The following ERO1A variants were observed in gnomAD, a reference collection of about 807,000 sequenced individuals.
The protein encoded by ERO1A is ERO1-like protein alpha.
Under a neutral mutation model 76.9 loss-of-function variants are expected in ERO1A, and 49 were observed. The observed-to-expected ratio is 0.64, with a 90% CI of 0.51 to 0.81. The LOEUF (loss-of-function observed/expected upper bound fraction) is 0.81. Ranked by LOEUF, ERO1A falls within the 30% of genes least tolerant of loss-of-function variation. The probability of loss-of-function intolerance (pLI) is 0.00; values close to 1 mark genes in which losing one functional copy is unlikely to be tolerated. For missense variants in ERO1A, 448 were observed against 542.1 expected, an observed-to-expected ratio of 0.83 and a Z score of 1.72; for synonymous variants, 174 against 181.2, an observed-to-expected ratio of 0.96 and a Z score of 0.32.
chr14:52,671,960 T>C, intron 4 of ERO1A, 89 bp from the exon 5 acceptor site: 1 of 887,784 alleles, frequency 1.1e-6, no homozygotes, highest in Non-Finnish European at 1.7e-6. Context: ...GCTCTTTTTA[T>C]TTTTTTTATT....
chr14:52,656,012 T>C (rs1022533826), intron 11 of ERO1A, among the ~76,000 whole-genome samples: 3 of 152,190 alleles, frequency 2.0e-5, no homozygotes, highest in Admixed American at 6.5e-5. Flanking sequence ...GCAAGTGACA[T>C]TGTCAGCATT....
At chr14:52,682,483 T>G in intron 2 of ERO1A, 75 bp from the exon 3 acceptor site, 3 of 1,120,838 alleles carry the variant, frequency 2.7e-6, no homozygotes, top group Non-Finnish European at 3.9e-6. Flanking sequence ...CAAATTATGG[T>G]GCTATAACTT....
At chr14:52,678,413 T>TC (rs749372123) in intron 4 of ERO1A, 21 bp downstream of exon 4, 1 of 1,606,000 alleles carries the variant, frequency 6.2e-7, no homozygotes, top group African/African-American at 1.3e-5. Flanking sequence ...ACTGGACACA[T>TC]CAATAGGTAT....
Position 52,653,264 on chromosome 14 carries a change from C to A in ERO1A, c.860G>T (p.Arg287Leu). 4.3e-6 allele frequency: 7 copies of A among 1,612,316 alleles called. No homozygotes were observed. The South Asian group carries it at 6.6e-5, about 15-fold the overall frequency. ...WGHNITEFQQ[R>L]FDGILTEGEG... ...TCCTTCAGTCAAAATTCCATCAAATCGCTGTTGAAATTCTGTAATGTTGTG... is the reference window on the plus strand; with the variant it reads ...TCCTTCAGTCAAAATTCCATCAAATAGCTGTTGAAATTCTGTAATGTTGTG... Residue 287 changes from arginine to leucine, a missense_variant, in exon 12 of 16, where the codon CGA becomes CTA. By Grantham distance (102) the Arg-to-Leu change is moderately radical. Transcript: ENST00000395686.
At chr14:52,674,571 G>C (rs536861368) in intron 4 of ERO1A, among the ~76,000 whole-genome samples, 1 of 152,284 alleles carries the variant, frequency 6.6e-6, no homozygotes, top group African/African-American at 2.4e-5. Flanking sequence ...TTAACTATGT[G>C]CAAAGTTCTT....
At chr14:52,672,132 C>G in intron 4 of ERO1A, 1 of 267,742 alleles carries the variant, frequency 3.7e-6, no homozygotes, top group South Asian at 5.9e-5. Flanking sequence ...TGGTGAAACC[C>G]TGTCTCTACT....
intron 4 of ERO1A, among the ~76,000 whole-genome samples, chr14:52,676,760 T>G (rs148145607): frequency 1.2e-3 from 175 of 151,732 alleles, no homozygotes; most frequent in African/African-American, 4.2e-3. Flanking sequence ...TTTGGCTGAG[T>G]GTCGTGGCTC....
Position 52,672,936 on chromosome 14 carries a change from T to C in ERO1A, c.358-1065A>G, listed in dbSNP as rs141191318. Among the ~76,000 whole-genome samples, 546 of 152,262 alleles carry C rather than the reference T, an allele frequency of 3.6e-3. 2 individuals carry two copies. Among genetic ancestry groups the C allele is most frequent in the Non-Finnish European group, 6.2e-3 (424 of 68,022 alleles). On this transcript the variant is annotated intron_variant, in intron 4 of 15. Transcript: ENST00000395686. ...ATCAAGAAGATATTCTTGCCACAAA[T>C]GGAGATACTCCCAAACACATTTATA...
At chr14:52,652,638 A>G (rs2039911465) in intron 12 of ERO1A, among the ~76,000 whole-genome samples, 1 of 152,198 alleles carries the variant, frequency 6.6e-6, no homozygotes, top group South Asian at 2.1e-4. Flanking sequence ...ATCTGAAAAG[A>G]CCTACAAGCA....
intron 11 of ERO1A, among the ~76,000 whole-genome samples, chr14:52,657,656 C>A (rs1306866418): frequency 1.3e-5 from 2 of 152,158 alleles, no homozygotes; most frequent in African/African-American, 4.8e-5. Context: ...TAAATTCCCA[C>A]AAGAAAACAA....
At chr14:52,692,859 T>G (rs1389726624) in intron 1 of ERO1A, among the ~76,000 whole-genome samples, 1 of 152,028 alleles carries the variant, frequency 6.6e-6, no homozygotes, top group Non-Finnish European at 1.5e-5. Context: ...TCTGTCTATA[T>G]GCTTGCCTCT....
At chr14:52,649,281 G>A (rs987901235) in intron 13 of ERO1A, among the ~76,000 whole-genome samples, 2 of 152,112 alleles carry the variant, frequency 1.3e-5, no homozygotes, top group African/African-American at 4.8e-5. Context: ...TATTTGAATT[G>A]AATGCTAAAT....
chr14:52,658,796 A>G (rs1056004472), intron 9 of ERO1A, among the ~76,000 whole-genome samples: 3 of 152,184 alleles, frequency 2.0e-5, no homozygotes, highest in Non-Finnish European at 4.4e-5. Context: ...CAACTATGAA[A>G]ATAGCAAGAA....
chr14:52,644,565 A>G (rs2039579910), intron 15 of ERO1A, among the ~76,000 whole-genome samples: 1 of 152,216 alleles, frequency 6.6e-6, no homozygotes, highest in Non-Finnish European at 1.5e-5. Flanking sequence ...ATATTTAGGT[A>G]TAAGTATTCA....
chr14:52,653,611 T>C (rs772401892), intron 11 of ERO1A, among the ~76,000 whole-genome samples: 4 of 151,974 alleles, frequency 2.6e-5, no homozygotes, highest in Non-Finnish European at 5.9e-5. Context: ...ATTGATGCCA[T>C]ATATGGCATC....
In ERO1A at chr14:52,643,163, A is replaced by AATT. The variant is rs1566632543; in HGVS notation, c.*404_*406dup. On this transcript the variant is annotated 3_prime_UTR_variant, in exon 16 of 16. Transcript: ENST00000395686. ...ATGTACTGAAAAATTCTACGTTGGT[A>AATT]ATTATGGGTCATTTATGAGGCCTCC... 1 of 153,050 alleles carries AATT rather than the reference A, an allele frequency of 6.5e-6. No homozygotes were observed. Among genetic ancestry groups the AATT allele is most frequent in the East Asian group, 1.9e-4 (1 of 5,214 alleles). 9.5% of individuals were successfully genotyped at this position (153,050 alleles called of 1,614,324 possible).
At position 52,683,810 on chromosome 14, in the gene ERO1A, C is replaced by G. The variant is rs1204216262; in HGVS notation, c.212G>C (p.Ser71Thr). 6.6e-7 allele frequency: 1 copy of G among 1,518,146 alleles called. No individual in the cohort carries two copies. Among genetic ancestry groups the G allele is most frequent in the Admixed American group, 1.8e-5 (1 of 56,718 alleles). The allele number at this position is 1,518,146 out of a possible 1,614,324, so 94.0% of individuals were successfully genotyped here. The change falls in exon 2 of 16, where the codon AGT becomes ACT. Residue 71 changes from serine to threonine, a missense_variant. Ser to Thr is a moderately conservative substitution (Grantham distance 58). This residue lies in a region of ERO1A where 146 missense variants were observed against 130.2 expected (regional missense o/e 1.12). Transcript: ENST00000395686. ...LFPRLQKLLE[S>T]DYFRYYKVNL... The stretch of plus-strand genomic sequence containing the variant: ...TACCTTGTAATACCTAAAGTAGTCA[C>G]TTTCAAGAAGTTTTTGTAGTCTTGG...
Position 52,678,358 on chromosome 14 carries a change from T to C in ERO1A, c.357+76A>G, listed in dbSNP as rs2139743879. 3 of 1,131,136 alleles carry C rather than the reference T, an allele frequency of 2.7e-6. No homozygotes were observed. In the South Asian group the frequency reaches 4.1e-5, roughly 15 times the overall value. The allele number at this position is 1,131,136 out of a possible 1,614,324, so 70.1% of individuals were successfully genotyped here. A position where few individuals can be genotyped will look rare whatever the true frequency, so the allele number is the denominator to read the frequency against. ...CACCACTGGAAGCAGATAAATGGGA[T>C]AGTAGGTACAACGGAAATGGGTTTT... On this transcript the variant is annotated intron_variant, in intron 4 of 15. Coordinates refer to ENST00000395686, the MANE Select transcript of ERO1A (RefSeq NM_014584.3).
At position 52,671,527 on chromosome 14, in the gene ERO1A, T is replaced by TG. The variant is rs1177784792; in HGVS notation, c.508+102dup. The TG allele has an allele frequency of 4.2e-6, 3 of 719,402 alleles. No individual in the cohort carries two copies. In the Admixed American group the frequency reaches 9.3e-5, roughly 22 times the overall value. The allele number at this position is 719,402 out of a possible 1,614,324, so 44.6% of individuals were successfully genotyped here. ...CTCCTGCCTCAGCCTCCAGATAAGC[T>TG]GGGACTACAGGCACACCACCATGCC... On this transcript the variant is annotated intron_variant, in intron 6 of 15. Coordinates refer to ENST00000395686, the MANE Select transcript of ERO1A (RefSeq NM_014584.3).
Sources: allele counts gnomAD v4.1 joint callset (sites outside exome capture counted in the v4.1 genomes callset), GRCh38; gene constraint gnomAD v4.1.1; regional missense constraint gnomAD v4.1.1; transcripts MANE v1.5; gene names NCBI Gene and HGNC (gene_info 2026-07-23, HGNC 2026-07-21).